The following CPNE4 variants were observed in gnomAD, a reference collection of about 807,000 sequenced individuals.
CPNE4 encodes the protein copine-4.
In CPNE4, 25 loss-of-function variants were observed where a neutral mutation model predicts 67.9. That is an observed-to-expected ratio of 0.37 (90% CI 0.27 to 0.51). The LOEUF is 0.51. Ranked by LOEUF, CPNE4 falls within the 20% of genes least tolerant of loss-of-function variation. The probability of loss-of-function intolerance (pLI) is 0.93; values close to 1 mark genes in which losing one functional copy is unlikely to be tolerated. For missense variants in CPNE4, 464 were observed against 690.8 expected (o/e 0.67, Z 3.68); for synonymous variants, 242 against 244.9 (o/e 0.99, Z 0.11).
At chr3:131,623,385 T>G (rs1940579887) in intron 7 of CPNE4, among the ~76,000 whole-genome samples, 1 of 152,092 alleles carries the variant, frequency 6.6e-6, no homozygotes, top group African/African-American at 2.4e-5. Flanking sequence ...CTCCCCTCCC[T>G]CCTCAAAAAT....
At chr3:132,017,820 C>T (rs2073917403) in intron 1 of CPNE4, 1 of 152,352 alleles carries the variant, frequency 6.6e-6, no homozygotes. Flanking sequence ...ATGCTCAGCC[C>T]ACCGGCTTCC....
At chr3:131,948,507 C>T (rs552513691) in intron 1 of CPNE4, among the ~76,000 whole-genome samples, 138 of 152,212 alleles carry the variant, frequency 9.1e-4, no homozygotes, top group African/African-American at 3.2e-3. Flanking sequence ...AGTGTGAAAA[C>T]GGACTAATAC....
At chr3:131,575,563 G>C (rs1582828073) in intron 9 of CPNE4, among the ~76,000 whole-genome samples, 1 of 152,134 alleles carries the variant, frequency 6.6e-6, no homozygotes, top group East Asian at 1.9e-4. Context: ...ACCATTGGCT[G>C]AGAAGGTAAT....
At chr3:131,852,855 A>G (rs1462926855) in intron 2 of CPNE4, among the ~76,000 whole-genome samples, 1 of 151,568 alleles carries the variant, frequency 6.6e-6, no homozygotes, top group Non-Finnish European at 1.5e-5. Flanking sequence ...ATACAAAAAT[A>G]TAATAATTTA....
intron 7 of CPNE4, among the ~76,000 whole-genome samples, chr3:131,629,971 T>C (rs547285977): frequency 6.6e-6 from 1 of 152,230 alleles, no homozygotes; most frequent in East Asian, 1.9e-4. Context: ...AATATCTTAT[T>C]GTACTGTACT....
Position 131,955,860 on chromosome 3 carries a change from G to A in CPNE4, c.-1-50416C>T, listed in dbSNP as rs571022516. Among the ~76,000 whole-genome samples, 11 of 152,112 alleles carry A rather than the reference G, an allele frequency of 7.2e-5. No individual in the cohort carries two copies. In the South Asian group the frequency reaches 2.3e-3, roughly 32 times the overall value. ...CACCTATTTTCCTCAATCACTGCTT[G>A]GATTTATACCCCTCGAAGTGTCAAC... On this transcript the variant is annotated intron_variant, in intron 1 of 15. Coordinates refer to ENST00000429747, the MANE Select transcript of CPNE4 (RefSeq NM_130808.3).
chr3:131,607,915 T>C (rs573426441), intron 7 of CPNE4, among the ~76,000 whole-genome samples: 8 of 152,158 alleles, frequency 5.3e-5, no homozygotes, highest in Non-Finnish European at 1.0e-4. Flanking sequence ...CTTAGGGTAT[T>C]ACAAGTGCAG....
chr3:131,927,974 A>C (rs1047722098), intron 1 of CPNE4, among the ~76,000 whole-genome samples: 4 of 152,236 alleles, frequency 2.6e-5, no homozygotes, highest in African/African-American at 9.6e-5. Context: ...TATGCATGAG[A>C]TAAAAGCCTA....
intron 3 of CPNE4, among the ~76,000 whole-genome samples, chr3:131,701,786 T>C (rs2081309020): frequency 1.3e-5 from 2 of 152,118 alleles, no homozygotes; most frequent in South Asian, 4.1e-4. Flanking sequence ...GAGACAAAAA[T>C]ATATGAAGAG....
intron 8 of CPNE4, among the ~76,000 whole-genome samples, chr3:131,583,060 AGG>A (rs1937946650): frequency 6.6e-6 from 1 of 152,216 alleles, no homozygotes; most frequent in Non-Finnish European, 1.5e-5. Flanking sequence ...GATTTGGAAG[AGG>A]GAGATCTTAT....
At chr3:131,893,785 T>G (rs879779954) in intron 2 of CPNE4, among the ~76,000 whole-genome samples, 2 of 151,894 alleles carry the variant, frequency 1.3e-5, no homozygotes, top group Non-Finnish European at 2.9e-5. Context: ...TGGAAATGCA[T>G]CATACCAAAA....
At chr3:131,751,352 G>A (rs1448003785) in intron 2 of CPNE4, among the ~76,000 whole-genome samples, 1 of 151,688 alleles carries the variant, frequency 6.6e-6, no homozygotes, top group Non-Finnish European at 1.5e-5. Flanking sequence ...TTTTTTCTCA[G>A]TTGATCAGAT....
intron 2 of CPNE4, among the ~76,000 whole-genome samples, chr3:131,858,398 A>G (rs2086537240): frequency 6.6e-6 from 1 of 152,166 alleles, no homozygotes. Context: ...AAAGATAAGA[A>G]AACAGAGAAG....
At chr3:131,583,110 G>C (rs898334208) in intron 8 of CPNE4, among the ~76,000 whole-genome samples, 1 of 152,124 alleles carries the variant, frequency 6.6e-6, no homozygotes, top group Non-Finnish European at 1.5e-5. Flanking sequence ...TCAAAATATG[G>C]AATTCTTGGG....
chr3:131,664,971 T>C (rs73218412), intron 7 of CPNE4, among the ~76,000 whole-genome samples: 4,819 of 152,282 alleles, frequency 0.032, 108 homozygotes, highest in East Asian at 0.1. Flanking sequence ...TCTGAATATT[T>C]AAGGTATTTA....
At chr3:131,755,888 C>T (rs1341201777) in intron 2 of CPNE4, among the ~76,000 whole-genome samples, 3 of 152,168 alleles carry the variant, frequency 2.0e-5, no homozygotes, top group Non-Finnish European at 2.9e-5. Context: ...CAATTTCAAA[C>T]TGCAAACCTT....
chr3:131,952,081 C>G (rs950226718), intron 1 of CPNE4, among the ~76,000 whole-genome samples: 1 of 147,462 alleles, frequency 6.8e-6, no homozygotes, highest in Admixed American at 6.8e-5. Context: ...AAGTGAGGAG[C>G]GTCTCTGCCC....
intron 6 of CPNE4, among the ~76,000 whole-genome samples, chr3:131,683,778 G>C (rs868345857): frequency 4.6e-5 from 7 of 152,112 alleles, no homozygotes; most frequent in African/African-American, 1.4e-4. Flanking sequence ...AATTTATTTA[G>C]GACCCCAGAG....
At chr3:131,577,440 C>T (rs1472014258) in intron 9 of CPNE4, among the ~76,000 whole-genome samples, 2 of 152,122 alleles carry the variant, frequency 1.3e-5, no homozygotes, top group Non-Finnish European at 2.9e-5. Context: ...TCCCACTATA[C>T]ACCTAGGCTA....
Sources: allele counts gnomAD v4.1 joint callset (sites outside exome capture counted in the v4.1 genomes callset), GRCh38; gene constraint gnomAD v4.1.1; transcripts MANE v1.5; gene names NCBI Gene and HGNC (gene_info 2026-07-23, HGNC 2026-07-21).